Variants in RASAL1 observed in about 807,000 individuals in gnomAD.
RASAL1 encodes the protein rasGAP-activating-like protein 1.
A neutral mutation model predicts 96.6 loss-of-function variants in RASAL1; 72 were observed. The observed-to-expected ratio is 0.75, with a 90% confidence interval of 0.62 to 0.91. The LOEUF is 0.91. RASAL1 is among the 40% of genes least tolerant of loss of function. RASAL1 has a pLI of 0.00. For missense variants in RASAL1, 1,016 were observed against 1,072.5 expected, an observed-to-expected ratio of 0.95 and a Z score of 0.74; for synonymous variants, 405 against 430.4, an observed-to-expected ratio of 0.94 and a Z score of 0.73.
rs1348838766 is a variant in RASAL1 at position 113,129,172 on chromosome 12, G to A, written c.123-994C>T. Among the ~76,000 whole-genome samples, 1 of 152,216 alleles carries A rather than the reference G, an allele frequency of 6.6e-6. No individual in the cohort carries two copies. The highest frequency in any genetic ancestry group is 1.5e-5 in the Non-Finnish European group (1 of 68,042). On this transcript the variant is annotated intron_variant, in intron 2 of 20. Coordinates refer to ENST00000548055, the MANE Select transcript of RASAL1 (RefSeq NM_001301202.2). This position sits in a 1 kb window ranked among gnomAD's most constrained non-coding sequence, Gnocchi z 5.0. ...CTCTCCCAGCAATTAGGACATGGTG[G>A]GAGAAGTCCTGGGATTGGGGTTAGC... is the stretch of plus-strand genomic sequence containing the variant.
intron 7 of RASAL1, among the ~76,000 whole-genome samples, chr12:113,118,326 A>G (rs1951165369): frequency 6.6e-6 from 1 of 152,216 alleles, no homozygotes; most frequent in African/African-American, 2.4e-5. Flanking sequence ...GATGACATTA[A>G]ATGAGGACTT....
In RASAL1 at chr12:113,104,265, C is replaced by A. The variant is rs1266610312; in HGVS notation, c.1864G>T (p.Ala622Ser). The A allele has an allele frequency of 1.3e-6, 2 of 1,587,416 alleles. No individual in the cohort carries two copies. The highest frequency in any genetic ancestry group is 1.1e-5 in the South Asian group (1 of 87,622). The change falls in exon 17 of 21, where the codon GCC (alanine) becomes TCC (serine). Residue 622 changes from alanine (A) to serine (S), a missense_variant. By Grantham distance (99) the Ala-to-Ser change is moderately conservative. Transcript: ENST00000548055. ...CHSIPVSHIR[A>S]VERVDEGAFQ... ...GCGCCCTCGTCTACGCGCTCCACGG[C>A]GCGGATGTGAGACACGGGGATGGAG...
In RASAL1 at chr12:113,135,252, C is replaced by T; in HGVS notation, c.65+146G>A. 1.3e-6 allele frequency: 1 copy of T among 744,992 alleles called. No homozygotes were observed. Among genetic ancestry groups the T allele is most frequent in the Non-Finnish European group, 2.1e-6 (1 of 466,748 alleles). The allele number at this position is 744,992 out of a possible 1,614,324, so 46.1% of individuals were successfully genotyped here. ...GCCATGGGCATGCGGCCTCTCGCCC[C>T]TTTAAAGCGGAACTGCCCCAAGACC... On this transcript the variant is annotated intron_variant, in intron 1 of 20. Transcript: ENST00000548055. This position sits in a 1 kb window ranked among gnomAD's most constrained non-coding sequence, Gnocchi z 5.7.
At chr12:113,104,447 C>T (rs1592886413) in intron 16 of RASAL1, 149 bp from the exon 17 acceptor site, 2 of 705,000 alleles carry the variant, frequency 2.8e-6, no homozygotes, top group East Asian at 5.6e-5. Context: ...GCTCGTCCAT[C>T]CATCCATGTG....
At chr12:113,121,720 A>T in intron 4 of RASAL1, 82 bp from the exon 5 acceptor site, 2 of 1,472,864 alleles carry the variant, frequency 1.4e-6, no homozygotes, top group Non-Finnish European at 1.8e-6. Flanking sequence ...AATTAACATT[A>T]TTTTCATTTT....
At chr12:113,103,266 A>T (rs1242991310) in intron 18 of RASAL1, among the ~76,000 whole-genome samples, 2 of 150,190 alleles carry the variant, frequency 1.3e-5, no homozygotes, top group Admixed American at 1.3e-4. Flanking sequence ...ATTGTAATAC[A>T]TTGTTATACA....
intron 18 of RASAL1, among the ~76,000 whole-genome samples, chr12:113,102,477 G>C (rs866330173): frequency 6.6e-6 from 1 of 152,218 alleles, no homozygotes; most frequent in Non-Finnish European, 1.5e-5. Flanking sequence ...AGAATCTCTT[G>C]AACCTGGGAG....
chr12:113,105,843 A>G lies in RASAL1; in HGVS notation c.1701T>C (p.Ile567=). Residue 567 remains isoleucine (I), a synonymous_variant, in exon 16 of 21, where the codon ATT becomes ATC. Transcript: ENST00000548055. ...PARALFPPSA[I]VREGYLLKRK... The stretch of plus-strand genomic sequence containing the variant: ...GCTTCAGCAGATAGCCTTCTCGAAC[A>G]ATGGCCGAGGGCGGGAACAGGGCCC... 3.7e-6 allele frequency: 6 copies of G among 1,614,076 alleles called. No individual in the cohort carries two copies. The highest frequency in any genetic ancestry group is 8.5e-7 in the Non-Finnish European group (1 of 1,179,988).
At chr12:113,123,885 A>G (rs2035166136) in intron 4 of RASAL1, among the ~76,000 whole-genome samples, 1 of 152,050 alleles carries the variant, frequency 6.6e-6, no homozygotes, top group Non-Finnish European at 1.5e-5. Flanking sequence ...ACCCAGTCTC[A>G]TGACTTGAGA....
At chr12:113,105,451 G>A (rs1266218788) in intron 16 of RASAL1, among the ~76,000 whole-genome samples, 1 of 152,266 alleles carries the variant, frequency 6.6e-6, no homozygotes, top group Non-Finnish European at 1.5e-5. Context: ...CCTGTCCTGT[G>A]TGCATCCACA....
chr12:113,126,426 A>T (rs967769488), intron 4 of RASAL1, among the ~76,000 whole-genome samples: 24 of 152,156 alleles, frequency 1.6e-4, no homozygotes, highest in African/African-American at 5.8e-4. Context: ...CACACCCGTT[A>T]TCCCAGCACT....
At chr12:113,117,238 C>T in intron 7 of RASAL1, 77 bp from the exon 8 acceptor site, 1 of 1,123,060 alleles carries the variant, frequency 8.9e-7, no homozygotes, top group Non-Finnish European at 1.2e-6. Flanking sequence ...TCACCTAGCC[C>T]TGGAAGAACA....
At chr12:113,104,945 G>A (rs1487716680) in intron 16 of RASAL1, among the ~76,000 whole-genome samples, 1 of 152,238 alleles carries the variant, frequency 6.6e-6, no homozygotes, top group Non-Finnish European at 1.5e-5. Flanking sequence ...GGTTGGTTCT[G>A]TTATTCTCTC....
At chr12:113,114,716 G>C in intron 12 of RASAL1, 84 bp downstream of exon 12, 1 of 1,195,040 alleles carries the variant, frequency 8.4e-7, no homozygotes, top group Non-Finnish European at 1.2e-6. Flanking sequence ...GTGGGTGGCA[G>C]TCAGCATGAA....
intron 16 of RASAL1, 62 bp from the exon 17 acceptor site, chr12:113,104,360 T>G: frequency 1.4e-6 from 2 of 1,477,192 alleles, no homozygotes; most frequent in Non-Finnish European, 1.8e-6. Flanking sequence ...GGGGACACCT[T>G]CCGTCTGGTT....
chr12:113,100,702 G>C, intron 19 of RASAL1, 22 bp from the exon 20 acceptor site: 1 of 1,598,998 alleles, frequency 6.3e-7, no homozygotes, highest in Non-Finnish European at 8.6e-7. Context: ...GAGGGAGAAA[G>C]ACAAGTCTGG....
rs1428105965 is a variant in RASAL1, at chr12:113,135,052, G to T, written c.65+346C>A. On this transcript the variant is annotated intron_variant, in intron 1 of 20. Coordinates refer to ENST00000548055, the MANE Select transcript of RASAL1 (RefSeq NM_001301202.2). This position sits in a 1 kb window ranked among gnomAD's most constrained non-coding sequence, Gnocchi z 5.7. ...ACCTCCAACATCTGCCTGGACTAAG[G>T]AAGAGACCCCCCGCTTTCTCCCCTC... is the stretch of plus-strand genomic sequence containing the variant. 6.6e-6 allele frequency among the ~76,000 whole-genome samples: 1 copy of T among 151,898 alleles called. No individual in the cohort carries two copies. Among genetic ancestry groups the T allele is most frequent in the Non-Finnish European group, 1.5e-5 (1 of 67,946 alleles).
At chr12:113,100,509 A>C (rs1162380664) in intron 20 of RASAL1, 119 bp downstream of exon 20, 7 of 836,994 alleles carry the variant, frequency 8.4e-6, no homozygotes, top group Non-Finnish European at 1.4e-5. Flanking sequence ...ATGTTGGCCA[A>C]GCTGATCTCG....
chr12:113,106,838 G>A (rs1950663828), intron 15 of RASAL1, among the ~76,000 whole-genome samples: 1 of 152,178 alleles, frequency 6.6e-6, no homozygotes, highest in Non-Finnish European at 1.5e-5. Context: ...CTTAATAGAT[G>A]TTTGTCAATG....
Sources: gnomAD v4.1 joint callset for allele counts (sites outside exome capture counted in the v4.1 genomes callset) on GRCh38, gnomAD v4.1.1 for gene constraint, Gnocchi (gnomAD v3.1) non-coding constraint, MANE v1.5 for transcripts, NCBI Gene and HGNC (gene_info 2026-07-23, HGNC 2026-07-21) for gene names.